The following PCDHA5 variants were observed in gnomAD, a reference collection of about 807,000 sequenced individuals.
PCDHA5 encodes the protein protocadherin alpha-5.
PCDHA5 carries 43 observed loss-of-function variants against 61.6 expected under a neutral mutation model. The observed-to-expected ratio is 0.70, with a 90% CI of 0.55 to 0.90. The LOEUF is 0.90. PCDHA5 is among the 40% of genes least tolerant of loss of function. The probability of loss-of-function intolerance (pLI) is 0.00; values close to 1 mark genes in which losing one functional copy is unlikely to be tolerated. For missense variants in PCDHA5, 1,298 were observed against 1,222.7 expected, an observed-to-expected ratio of 1.06 and a Z score of -0.92; for synonymous variants, 627 against 543.9, an observed-to-expected ratio of 1.15 and a Z score of -2.13.
At position 140,857,609 on chromosome 5, in the gene PCDHA5, C is replaced by T; in HGVS notation, c.2352+33482C>T. 1.3e-6 allele frequency: 2 copies of T among 1,596,206 alleles called. 1 individual carries two copies. Among genetic ancestry groups the T allele is most frequent in the African/African-American group, 2.7e-5 (2 of 74,262 alleles). ...GAGCGGCAAGGTGTACGCGCTGCAG[C>T]CGCTGGACCACGAGGAGCTGGAGCT... is the stretch of plus-strand genomic sequence containing the variant. On this transcript the variant is annotated intron_variant, in intron 1 of 3. Transcript: ENST00000529859.
intron 3 of PCDHA5, among the ~76,000 whole-genome samples, chr5:140,991,132 TAA>T (rs1345264253): frequency 2.0e-5 from 3 of 152,230 alleles, no homozygotes; most frequent in Non-Finnish European, 4.4e-5. Flanking sequence ...ACACAGCTAG[TAA>T]AAATGTTTTT....
intron 1 of PCDHA5, chr5:140,870,906 C>T (rs201710263): frequency 1.2e-6 from 2 of 1,613,948 alleles, no homozygotes; most frequent in African/African-American, 2.7e-5. Flanking sequence ...CGGACTCAGG[C>T]TACAACGCGT....
In PCDHA5 at chr5:140,846,169, C is replaced by A. The variant is rs2150385280; in HGVS notation, c.2352+22042C>A. On this transcript the variant is annotated intron_variant, in intron 1 of 3. Coordinates refer to ENST00000529859, the MANE Select transcript of PCDHA5 (RefSeq NM_018908.3). ...AAAGTTGCCTGAGATCCTGCAGAGG[C>A]CTGAGTAGGCGTTTGAGTTCTTTGT... Among the ~76,000 whole-genome samples the A allele has an allele frequency of 6.7e-5, 10 of 149,346 alleles. 2 individuals carry two copies. Among genetic ancestry groups the A allele is most frequent in the Admixed American group, 1.3e-4 (2 of 14,894 alleles).
chr5:140,976,323 G>A (rs532976656), intron 1 of PCDHA5, among the ~76,000 whole-genome samples: 26 of 152,258 alleles, frequency 1.7e-4, no homozygotes, highest in African/African-American at 6.0e-4. Context: ...GGCCGAGGAG[G>A]GTGGATTGCC....
intron 1 of PCDHA5, chr5:140,856,523 G>T: frequency 6.3e-7 from 1 of 1,598,526 alleles, no homozygotes; most frequent in Non-Finnish European, 8.6e-7. Context: ...CGCATCTGAT[G>T]CGGATGTTGG....
At chr5:140,959,719 A>G (rs986383146) in intron 1 of PCDHA5, among the ~76,000 whole-genome samples, 4 of 152,366 alleles carry the variant, frequency 2.6e-5, no homozygotes, top group African/African-American at 9.6e-5. Context: ...AAATTTTTAG[A>G]TAACATTATC....
chr5:140,968,081 G>A, intron 1 of PCDHA5: 2 of 1,614,120 alleles, frequency 1.2e-6, no homozygotes, highest in Non-Finnish European at 1.7e-6. Context: ...CAACATCACG[G>A]TGACAGCCAC....
At chr5:140,891,681 C>T (rs1021117286) in intron 1 of PCDHA5, among the ~76,000 whole-genome samples, 1 of 152,150 alleles carries the variant, frequency 6.6e-6, no homozygotes, top group African/African-American at 2.4e-5. Flanking sequence ...TAATAATTCT[C>T]TCTTCTTGCT....
chr5:141,004,037 G>C (rs946974688), intron 3 of PCDHA5, among the ~76,000 whole-genome samples: 1 of 152,200 alleles, frequency 6.6e-6, no homozygotes, highest in African/African-American at 2.4e-5. Context: ...TTCCTTGATT[G>C]ATCATTTGCT....
chr5:140,906,744 A>G (rs2072897297), intron 1 of PCDHA5, among the ~76,000 whole-genome samples: 1 of 152,210 alleles, frequency 6.6e-6, no homozygotes, highest in Admixed American at 6.5e-5. Context: ...CCATTGACAC[A>G]GGGCATGGTA....
chr5:141,002,336 C>A (rs1236741058), intron 3 of PCDHA5, among the ~76,000 whole-genome samples: 3 of 152,084 alleles, frequency 2.0e-5, no homozygotes, highest in Non-Finnish European at 2.9e-5. Flanking sequence ...TGCATCCGCA[C>A]CCCTTCCCCC....
intron 1 of PCDHA5, among the ~76,000 whole-genome samples, chr5:140,955,342 C>T (rs981239160): frequency 1.3e-5 from 2 of 152,130 alleles, no homozygotes; most frequent in Admixed American, 6.6e-5. Context: ...ATAATCCCCA[C>T]ATGTTGTGAG....
intron 1 of PCDHA5, chr5:140,841,738 G>A (rs2150321831): frequency 1.9e-6 from 3 of 1,613,784 alleles, no homozygotes; most frequent in South Asian, 1.1e-5. Context: ...AAGACCAAAA[G>A]CTGTTTGTTT....
intron 1 of PCDHA5, chr5:140,926,648 G>A (rs1319870606): frequency 2.5e-5 from 12 of 475,704 alleles, no homozygotes; most frequent in Non-Finnish European, 3.5e-6. Context: ...CACCCGGCCG[G>A]CTCCGCTTTC....
chr5:140,912,640 T>C (rs181860319), intron 1 of PCDHA5, among the ~76,000 whole-genome samples: 5 of 152,296 alleles, frequency 3.3e-5, no homozygotes, highest in Non-Finnish European at 7.4e-5. Flanking sequence ...TTCAGTACTA[T>C]GTTGAATAGA....
At chr5:140,924,105 C>A (rs140580566) in intron 1 of PCDHA5, among the ~76,000 whole-genome samples, 5 of 152,144 alleles carry the variant, frequency 3.3e-5, no homozygotes, top group Admixed American at 2.6e-4. Flanking sequence ...ATTTTCATTC[C>A]AAAGCAGTTA....
At position 141,000,188 on chromosome 5, in the gene PCDHA5, A is replaced by G. The variant is rs182049578; in HGVS notation, c.2501-9439A>G. 8.6e-3 allele frequency among the ~76,000 whole-genome samples: 1,302 copies of G among 151,928 alleles called. 5 individuals carry two copies. Among genetic ancestry groups the G allele is most frequent in the Middle Eastern group, 0.017 (5 of 294 alleles). ...ATTATTGAGCCAAGGAGTCAATGTG[A>G]GAATAGTTTTTCACCTTCATTATCA... is the stretch of plus-strand genomic sequence containing the variant. On this transcript the variant is annotated intron_variant, in intron 3 of 3. Coordinates refer to ENST00000529859, the MANE Select transcript of PCDHA5 (RefSeq NM_018908.3).
Position 140,838,073 on chromosome 5 carries a change from ATATAGTGTGTGTGTGTGT to A in PCDHA5, c.2352+13947_2352+13964del, listed in dbSNP as rs1181120432. 3.1e-4 allele frequency among the ~76,000 whole-genome samples: 39 copies of A among 126,834 alleles called. 1 individual carries two copies. The highest frequency in any genetic ancestry group is 1.5e-3 in the Admixed American group (18 of 11,662). 83.2% of individuals were successfully genotyped at this position (126,834 alleles called of 152,430 possible). A position where few individuals can be genotyped will look rare whatever the true frequency, so the allele number is the denominator to read the frequency against. ...TGGTTTTCCACTTTAAGTTATATAT[ATATAGTGTGTGTGTGTGT>A]GTGTGTGTGTGTGTGTGTGTGTGTG... On this transcript the variant is annotated intron_variant, in intron 1 of 3. Coordinates refer to ENST00000529859, the MANE Select transcript of PCDHA5 (RefSeq NM_018908.3).
intron 1 of PCDHA5, chr5:140,883,260 C>A (rs1554177345): frequency 6.2e-7 from 1 of 1,613,946 alleles, no homozygotes; most frequent in Non-Finnish European, 8.5e-7. Context: ...ATTCCAATGG[C>A]GGGTCATTGT....
Sources: gnomAD v4.1 joint callset for allele counts (sites outside exome capture counted in the v4.1 genomes callset) on GRCh38, gnomAD v4.1.1 for gene constraint, MANE v1.5 for transcripts, NCBI Gene and HGNC (gene_info 2026-07-23, HGNC 2026-07-21) for gene names.